The following UBE2E2 variants were observed in gnomAD, a reference collection of about 807,000 sequenced individuals.
The protein encoded by UBE2E2 is ubiquitin-conjugating enzyme E2 E2.
Under a neutral mutation model 24.7 loss-of-function variants are expected in UBE2E2, and 6 were observed. That is an observed-to-expected ratio of 0.24 (90% CI 0.13 to 0.48). UBE2E2 has a LOEUF of 0.48. Among genes scored for constraint, UBE2E2 ranks in the 20% least tolerant of loss-of-function variants. UBE2E2 has a pLI of 0.99. For missense variants in UBE2E2, 169 were observed against 245.0 expected (o/e 0.69, Z 2.07); for synonymous variants, 104 against 83.6 (o/e 1.24, Z -1.33).
chr3:23,309,929 A>G (rs1694315647), intron 3 of UBE2E2, among the ~76,000 whole-genome samples: 1 of 152,148 alleles, frequency 6.6e-6, no homozygotes, highest in South Asian at 2.1e-4. Context: ...AGGAAGATGG[A>G]GAGGAAGAGA....
intron 3 of UBE2E2, among the ~76,000 whole-genome samples, chr3:23,418,779 T>C (rs186474738): frequency 6.6e-5 from 10 of 152,282 alleles, no homozygotes; most frequent in Non-Finnish European, 1.2e-4. Context: ...AAAGAAGATG[T>C]GATGTGATGA....
chr3:23,532,381 A>G (rs961733438), intron 4 of UBE2E2, among the ~76,000 whole-genome samples, 173 bp from the exon 5 acceptor site: 1 of 152,190 alleles, frequency 6.6e-6, no homozygotes, highest in Non-Finnish European at 1.5e-5. Flanking sequence ...TTCTAAAATG[A>G]TGATCTCTGT....
At chr3:23,357,287 TG>T (rs1484630469) in intron 3 of UBE2E2, among the ~76,000 whole-genome samples, 5 of 152,172 alleles carry the variant, frequency 3.3e-5, no homozygotes, top group African/African-American at 1.2e-4. Context: ...TAATGGTGTT[TG>T]TTACCGTAAG....
intron 3 of UBE2E2, among the ~76,000 whole-genome samples, chr3:23,421,158 A>G (rs971641342): frequency 6.6e-6 from 1 of 152,208 alleles, no homozygotes; most frequent in Non-Finnish European, 1.5e-5. Flanking sequence ...TTCAGCTTGA[A>G]GGTCAGCTAA....
intron 3 of UBE2E2, among the ~76,000 whole-genome samples, chr3:23,476,039 C>G (rs1241090516): frequency 1.3e-5 from 2 of 152,064 alleles, no homozygotes; most frequent in Non-Finnish European, 2.9e-5. Context: ...TCCATGTTCA[C>G]TTATCTTTTC....
intron 3 of UBE2E2, among the ~76,000 whole-genome samples, chr3:23,428,928 T>TA (rs34525850): frequency 0.036 from 2,726 of 75,672 alleles, 110 homozygotes; most frequent in African/African-American, 0.083. Context: ...CTCTGTCTCT[T>TA]AAAAAAAAAA....
intron 3 of UBE2E2, among the ~76,000 whole-genome samples, chr3:23,480,978 C>A (rs1027160460): frequency 6.6e-6 from 1 of 152,116 alleles, no homozygotes; most frequent in South Asian, 2.1e-4. Flanking sequence ...TTTATTGTTT[C>A]CAATGATTTG....
At position 23,306,144 on chromosome 3, in the gene UBE2E2, G is replaced by T. The variant is rs892278578; in HGVS notation, c.227+88832G>T. 1.2e-4 allele frequency among the ~76,000 whole-genome samples: 18 copies of T among 152,146 alleles called. 2 individuals carry two copies. Among genetic ancestry groups the T allele is most frequent in the Non-Finnish European group, 1.5e-5 (1 of 68,016 alleles). ...TACGTGGCCACTGAAATATTTAAAA[G>T]AAACTAATTGAAGTTAACTTTTCAT... On this transcript the variant is annotated intron_variant, in intron 3 of 5. Transcript: ENST00000396703.
At chr3:23,483,436 C>A (rs956765824) in intron 3 of UBE2E2, among the ~76,000 whole-genome samples, 3 of 152,206 alleles carry the variant, frequency 2.0e-5, no homozygotes, top group Non-Finnish European at 4.4e-5. Flanking sequence ...TATAACTTCA[C>A]ACGGTAAAAA....
At chr3:23,530,644 C>G (rs1418093269) in intron 4 of UBE2E2, among the ~76,000 whole-genome samples, 1 of 152,170 alleles carries the variant, frequency 6.6e-6, no homozygotes, top group Non-Finnish European at 1.5e-5. Flanking sequence ...CCCACGCTTT[C>G]TTTGGTAAGT....
intron 3 of UBE2E2, among the ~76,000 whole-genome samples, chr3:23,390,620 C>G (rs1696912280): frequency 6.6e-6 from 1 of 152,218 alleles, no homozygotes; most frequent in Non-Finnish European, 1.5e-5. Context: ...TGGTTAACAG[C>G]TGTCTGCAGA....
At chr3:23,527,576 A>C (rs1438509741) in intron 4 of UBE2E2, among the ~76,000 whole-genome samples, 2 of 152,190 alleles carry the variant, frequency 1.3e-5, no homozygotes, top group Non-Finnish European at 2.9e-5. Context: ...GCTGGTTGCC[A>C]TCATGTCACA....
chr3:23,419,642 A>G (rs1410236550), intron 3 of UBE2E2, among the ~76,000 whole-genome samples: 2 of 152,168 alleles, frequency 1.3e-5, no homozygotes, highest in African/African-American at 2.4e-5. Context: ...ATAGTTTTGA[A>G]AAAAGCCAAA....
intron 5 of UBE2E2, among the ~76,000 whole-genome samples, chr3:23,546,968 C>G (rs912644013): frequency 2.0e-5 from 3 of 152,018 alleles, no homozygotes; most frequent in African/African-American, 7.2e-5. Context: ...ATAGTTTTAT[C>G]CGTGCTTTTT....
intron 3 of UBE2E2, among the ~76,000 whole-genome samples, chr3:23,473,744 T>C (rs1699073057): frequency 6.6e-6 from 1 of 152,138 alleles, no homozygotes; most frequent in South Asian, 2.1e-4. Flanking sequence ...TTAATTCCTT[T>C]TTATGGCTAA....
At chr3:23,313,483 C>T (rs1694472903) in intron 3 of UBE2E2, among the ~76,000 whole-genome samples, 1 of 144,988 alleles carries the variant, frequency 6.9e-6, no homozygotes, top group Middle Eastern at 3.5e-3. Context: ...CTCCTGGGTT[C>T]AAGTGATTCT....
intron 5 of UBE2E2, among the ~76,000 whole-genome samples, chr3:23,560,981 T>C (rs1396871175): frequency 3.9e-5 from 6 of 152,222 alleles, no homozygotes; most frequent in Admixed American, 1.3e-4. Flanking sequence ...CTTTGTCAGA[T>C]GGGTAGATTA....
chr3:23,248,621 G>C (rs1697485478), intron 3 of UBE2E2, among the ~76,000 whole-genome samples: 1 of 152,200 alleles, frequency 6.6e-6, no homozygotes, highest in Non-Finnish European at 1.5e-5. Flanking sequence ...TTACGAAAAG[G>C]AGAGAACATA....
rs181542787 is a variant in UBE2E2 at position 23,523,779 on chromosome 3, C to T, written c.361-8775C>T. ...GTATGTTAGTTATTGGTGCAGTGCT[C>T]TCAAATTGGTTTTAAGAAAAGAGCA... On this transcript the variant is annotated intron_variant, in intron 4 of 5. Coordinates refer to ENST00000396703, the MANE Select transcript of UBE2E2 (RefSeq NM_152653.4). Among the ~76,000 whole-genome samples, 593 of 151,098 alleles carry T rather than the reference C, an allele frequency of 3.9e-3. 3 individuals are homozygous for T. The highest frequency in any genetic ancestry group is 0.013 in the African/African-American group (538 of 41,170).
Sources: gnomAD v4.1 joint callset for allele counts (sites outside exome capture counted in the v4.1 genomes callset) on GRCh38, gnomAD v4.1.1 for gene constraint, MANE v1.5 for transcripts, NCBI Gene and HGNC (gene_info 2026-07-23, HGNC 2026-07-21) for gene names.